Variants in TANC1 observed in about 807,000 individuals in gnomAD.
TANC1 encodes tetratricopeptide repeat, ankyrin repeat and coiled-coil containing 1, also known as protein TANC1.
TANC1 carries 77 observed loss-of-function variants against 149.7 expected under a neutral mutation model. That is an observed-to-expected ratio of 0.51 (90% CI 0.43 to 0.62). The LOEUF is 0.62. Among genes scored for constraint, TANC1 ranks in the 20% least tolerant of loss-of-function variants. The pLI is 0.00. For missense variants in TANC1, 1,985 were observed against 2,321.8 expected, an observed-to-expected ratio of 0.85 and a Z score of 2.98; for synonymous variants, 854 against 925.0, an observed-to-expected ratio of 0.92 and a Z score of 1.39.
intron 1 of TANC1, among the ~76,000 whole-genome samples, chr2:158,974,907 A>ATTTTTTTT (rs3028258): frequency 3.1e-3 from 324 of 103,266 alleles, no homozygotes; most frequent in Non-Finnish European, 4.1e-3. Flanking sequence ...TAATTTTTGT[A>ATTTTTTTT]TTTTTTTTTT....
At chr2:159,030,318 T>A (rs2039676507) in intron 2 of TANC1, among the ~76,000 whole-genome samples, 1 of 152,194 alleles carries the variant, frequency 6.6e-6, no homozygotes, top group Admixed American at 6.5e-5. Flanking sequence ...AAAAATAATC[T>A]TTGACCAGAA....
intron 1 of TANC1, among the ~76,000 whole-genome samples, chr2:158,970,295 G>C (rs960486482): frequency 6.6e-6 from 1 of 152,112 alleles, no homozygotes; most frequent in African/African-American, 2.4e-5. Flanking sequence ...CTTTATTCCT[G>C]CCAGGCTGGC....
chr2:159,031,583 G>A (rs1055128837), intron 2 of TANC1, among the ~76,000 whole-genome samples: 1 of 152,206 alleles, frequency 6.6e-6, no homozygotes, highest in African/African-American at 2.4e-5. Flanking sequence ...CTATATTACA[G>A]AACTGTCAGT....
chr2:159,057,876 A>G lies in TANC1; in HGVS notation c.-15-8020A>G, dbSNP rs141887996. Among the ~76,000 whole-genome samples the G allele has an allele frequency of 8.4e-4, 128 of 152,338 alleles. 3 individuals carry two copies. The East Asian group carries it at 0.019, about 23-fold the overall frequency. ...ATGAAATTCTTTTGCTTTCTCTAAT[A>G]TATCTAAACATCTATGTAAATACCT... On this transcript the variant is annotated intron_variant, in intron 2 of 26. Transcript: ENST00000263635.
chr2:158,971,700 G>C (rs1464642093), intron 1 of TANC1, among the ~76,000 whole-genome samples: 1 of 152,080 alleles, frequency 6.6e-6, no homozygotes, highest in Admixed American at 6.5e-5. Flanking sequence ...CTAAAGTTCT[G>C]TGACTCTCCA....
rs1339057797 is a variant in TANC1, at chr2:159,169,357, G to A, written c.1054G>A (p.Ala352Thr). The A allele has an allele frequency of 1.2e-6, 2 of 1,613,736 alleles. No individual in the cohort carries two copies. The highest frequency in any genetic ancestry group is 1.7e-6 in the Non-Finnish European group (2 of 1,179,874). The change falls in exon 9 of 27, where the codon GCA (alanine) becomes ACA (threonine). Residue 352 changes from alanine to threonine, a missense_variant. Ala to Thr is a moderately conservative substitution (Grantham distance 58, BLOSUM62 0). Coordinates refer to ENST00000263635, the MANE Select transcript of TANC1 (RefSeq NM_033394.3). The part of the protein sequence containing the change: ...LPWHNTAGGR[A>T]QEVKARFAPY... ...ATGGCACAATACGGCCGGAGGTAGG[G>A]CACAGGAAGTTAAAGGTATTTATCC...
chr2:158,991,690 G>A (rs923863998), intron 1 of TANC1, among the ~76,000 whole-genome samples: 1 of 152,028 alleles, frequency 6.6e-6, no homozygotes, highest in Non-Finnish European at 1.5e-5. Flanking sequence ...AGCTTGCAGT[G>A]AGCTGATATC....
chr2:158,976,709 C>T (rs1313633441), intron 1 of TANC1, among the ~76,000 whole-genome samples: 5 of 151,968 alleles, frequency 3.3e-5, no homozygotes, highest in African/African-American at 1.2e-4. Context: ...GGTGAAACCC[C>T]GTCTCTACTA....
At chr2:159,159,061 T>C (rs980367788) in intron 7 of TANC1, among the ~76,000 whole-genome samples, 2 of 152,226 alleles carry the variant, frequency 1.3e-5, no homozygotes, top group African/African-American at 4.8e-5. Flanking sequence ...TTTAAGCCTA[T>C]AACTTGATTT....
intron 1 of TANC1, among the ~76,000 whole-genome samples, chr2:158,988,252 G>A (rs943258350): frequency 9.9e-5 from 15 of 151,498 alleles, no homozygotes; most frequent in Non-Finnish European, 1.8e-4. Context: ...CTTGAACCCC[G>A]GGAGGTGGAG....
chr2:159,172,257 A>C lies in TANC1; in HGVS notation c.1488A>C (p.Lys496Asn), dbSNP rs1282435922. 6.2e-7 allele frequency: 1 copy of C among 1,614,106 alleles called. No homozygotes were observed. The highest frequency in any genetic ancestry group is 2.2e-5 in the East Asian group (1 of 44,890). ...AGAGACCAAGAGAGGATGCAGTGAAATATCTTGCTTCTAAGGTAATCTTTC... is the reference window on the plus strand; with the variant it reads ...AGAGACCAAGAGAGGATGCAGTGAACTATCTTGCTTCTAAGGTAATCTTTC... ...ENQRPREDAV[K>N]YLASKVVAYH... Residue 496 changes from lysine to asparagine, a missense_variant, in exon 11 of 27, where the codon AAA becomes AAC. Transcript: ENST00000263635.
At chr2:159,228,020 A>C (rs2060121459) in intron 25 of TANC1, 55 bp downstream of exon 25, 2 of 1,581,316 alleles carry the variant, frequency 1.3e-6, no homozygotes, top group South Asian at 2.3e-5. Context: ...GCCCTTCTCC[A>C]GCAGTGAAGG....
chr2:158,977,756 G>A (rs1384910117), intron 1 of TANC1, among the ~76,000 whole-genome samples: 1 of 152,022 alleles, frequency 6.6e-6, no homozygotes, highest in East Asian at 1.9e-4. Context: ...AGTAGTAGCT[G>A]TCCCTGTTTT....
chr2:159,153,230 T>C (rs923044812), intron 7 of TANC1, among the ~76,000 whole-genome samples: 3 of 152,228 alleles, frequency 2.0e-5, no homozygotes, highest in African/African-American at 7.2e-5. Context: ...CCATTCCACA[T>C]GGGCTTTGTC....
At chr2:159,077,001 T>C (rs1388580761) in intron 3 of TANC1, among the ~76,000 whole-genome samples, 1 of 152,068 alleles carries the variant, frequency 6.6e-6, no homozygotes, top group East Asian at 1.9e-4. Context: ...TTTTTTCCTT[T>C]AGATTTTTTT....
intron 8 of TANC1, among the ~76,000 whole-genome samples, chr2:159,164,321 G>C (rs115987872): frequency 0.01 from 1,574 of 152,286 alleles, 37 homozygotes; most frequent in African/African-American, 0.036. Context: ...TATTTACATT[G>C]TATTAGGTAT....
At chr2:159,171,556 G>A (rs1232821877) in intron 10 of TANC1, among the ~76,000 whole-genome samples, 3 of 152,096 alleles carry the variant, frequency 2.0e-5, no homozygotes, top group Non-Finnish European at 4.4e-5. Context: ...CCCAGTAAAT[G>A]AAGGCTGCAG....
chr2:159,082,676 G>A (rs2044402842), intron 3 of TANC1, among the ~76,000 whole-genome samples: 1 of 152,166 alleles, frequency 6.6e-6, no homozygotes, highest in African/African-American at 2.4e-5. Context: ...ACAGGCTTGG[G>A]GTATATGTGT....
At chr2:159,136,719 T>C (rs1453488366) in intron 5 of TANC1, among the ~76,000 whole-genome samples, 1 of 151,522 alleles carries the variant, frequency 6.6e-6, no homozygotes, top group Admixed American at 6.6e-5. Context: ...AAAAAAAGCA[T>C]TTGGTGTCTT....
Sources: allele counts gnomAD v4.1 joint callset (sites outside exome capture counted in the v4.1 genomes callset), GRCh38; gene constraint gnomAD v4.1.1; transcripts MANE v1.5; gene names NCBI Gene and HGNC (gene_info 2026-07-23, HGNC 2026-07-21).